The following RAI1 variants were observed in gnomAD, a reference collection of about 807,000 sequenced individuals.
RAI1 encodes the protein retinoic acid-induced protein 1.
In RAI1, 9 loss-of-function variants were observed where a neutral mutation model predicts 123.8. That is an observed-to-expected ratio of 0.07 (90% CI 0.04 to 0.13). The LOEUF (loss-of-function observed/expected upper bound fraction) is 0.13, where lower values mean the gene tolerates loss of function less well. Among genes scored for constraint, RAI1 ranks in the 10% least tolerant of loss-of-function variants. The pLI, the probability that RAI1 is intolerant of heterozygous loss-of-function variation, is 1.00. For synonymous variants in RAI1, 1,231 were observed against 1,127.3 expected (o/e 1.09, Z -1.84); for missense variants, 2,256 against 2,545.8 (o/e 0.89, Z 2.45).
Position 17,793,779 on chromosome 17 carries a change from CCAGCAGCAGCAGCAGCAG to C in RAI1, c.855_872del (p.Gln286_Gln291del), listed in dbSNP as rs371983878. 119 of 1,357,732 alleles carry C rather than the reference CCAGCAGCAGCAGCAGCAG, an allele frequency of 8.8e-5. 1 individual carries two copies. The highest frequency in any genetic ancestry group is 4.0e-4 in the Middle Eastern group (2 of 5,032). 84.1% of individuals were successfully genotyped at this position (1,357,732 alleles called of 1,614,324 possible). A position where few individuals can be genotyped will look rare whatever the true frequency, so the allele number is the denominator to read the frequency against. ...ACCAGTCGGGCCGCCTCAGCTATGA[CCAGCAGCAGCAGCAGCAG>C]CAGCAGCAGCAGCAGCAGCAGCAAG... is the stretch of plus-strand genomic sequence containing the variant. On this transcript the variant is annotated inframe_deletion, in exon 3 of 6. Coordinates refer to ENST00000353383, the MANE Select transcript of RAI1 (RefSeq NM_030665.4).
chr17:17,783,256 G>A (rs1262250042), intron 2 of RAI1, among the ~76,000 whole-genome samples: 1 of 152,106 alleles, frequency 6.6e-6, no homozygotes, highest in Non-Finnish European at 1.5e-5. Flanking sequence ...CGGGGACGGG[G>A]GGGCGCCCTT....
intron 4 of RAI1, among the ~76,000 whole-genome samples, chr17:17,804,992 A>C (rs1166366803): frequency 1.3e-5 from 2 of 152,080 alleles, no homozygotes; most frequent in African/African-American, 4.8e-5. Context: ...CCTCTCAAGT[A>C]GCTGGGACTA....
chr17:17,694,350 AG>A (rs1196292470), intron 1 of RAI1, among the ~76,000 whole-genome samples: 1 of 152,080 alleles, frequency 6.6e-6, no homozygotes, highest in African/African-American at 2.4e-5. Flanking sequence ...GAACATAGCC[AG>A]GAAGACGGGC....
rs2032441386 is a variant in RAI1, at chr17:17,800,934, A to G, written c.5565+2421A>G. ...TCACGCATGCTCTGAGAACTCCACA[A>G]TGTCAAACCCCGTTAGCAGGATTGT... is the stretch of plus-strand genomic sequence containing the variant. On this transcript the variant is annotated intron_variant, in intron 3 of 5. Coordinates refer to ENST00000353383, the MANE Select transcript of RAI1 (RefSeq NM_030665.4). This position sits in a 1 kb window ranked among gnomAD's most constrained non-coding sequence, Gnocchi z 4.7. 6.6e-6 allele frequency among the ~76,000 whole-genome samples: 1 copy of G among 152,094 alleles called. No individual in the cohort carries two copies. Among genetic ancestry groups the G allele is most frequent in the South Asian group, 2.1e-4 (1 of 4,826 alleles).
intron 2 of RAI1, among the ~76,000 whole-genome samples, chr17:17,784,123 C>T (rs2031732508): frequency 6.6e-6 from 1 of 152,178 alleles, no homozygotes; most frequent in African/African-American, 2.4e-5. Flanking sequence ...CACAATTAGG[C>T]AGCAAGAGGA....
chr17:17,713,251 G>A (rs115421180), intron 1 of RAI1, among the ~76,000 whole-genome samples: 1 of 152,080 alleles, frequency 6.6e-6, no homozygotes, highest in East Asian at 1.9e-4. Flanking sequence ...TGGTGCCTGT[G>A]GTCCCCACTG....
chr17:17,774,312 C>T (rs1016586826), intron 2 of RAI1, among the ~76,000 whole-genome samples: 23 of 152,240 alleles, frequency 1.5e-4, no homozygotes, highest in African/African-American at 5.1e-4. Flanking sequence ...GGTCACACAG[C>T]GAGTCAGCAG....
At chr17:17,732,645 C>T (rs1567857555) in intron 2 of RAI1, among the ~76,000 whole-genome samples, 1 of 152,168 alleles carries the variant, frequency 6.6e-6, no homozygotes, top group Non-Finnish European at 1.5e-5. Context: ...CATCACCTGC[C>T]GGAGCTGGGC....
chr17:17,784,708 G>A (rs1240176962), intron 2 of RAI1, among the ~76,000 whole-genome samples: 1 of 152,122 alleles, frequency 6.6e-6, no homozygotes, highest in Non-Finnish European at 1.5e-5. Context: ...CACACAGGAG[G>A]GTGGCTCGGC....
At chr17:17,716,178 C>T (rs893787535) in intron 1 of RAI1, among the ~76,000 whole-genome samples, 2 of 152,164 alleles carry the variant, frequency 1.3e-5, no homozygotes, top group Non-Finnish European at 2.9e-5. Context: ...GCCATCAAGT[C>T]CAGGGAGGGC....
At chr17:17,704,247 G>C (rs905223894) in intron 1 of RAI1, among the ~76,000 whole-genome samples, 2 of 152,254 alleles carry the variant, frequency 1.3e-5, no homozygotes, top group Admixed American at 1.3e-4. Flanking sequence ...ACAAAGACTT[G>C]AAGTCTCGTT....
chr17:17,726,121 G>A (rs1916081904), intron 2 of RAI1, among the ~76,000 whole-genome samples: 1 of 152,192 alleles, frequency 6.6e-6, no homozygotes, highest in South Asian at 2.1e-4. Context: ...TGAGAGCCCA[G>A]AGAGGGTCAG....
chr17:17,722,884 G>A (rs1052738692), intron 1 of RAI1, among the ~76,000 whole-genome samples: 5 of 152,140 alleles, frequency 3.3e-5, no homozygotes, highest in African/African-American at 4.8e-5. Context: ...GCTGCGCCGC[G>A]ACCCCGGCGC....
intron 1 of RAI1, among the ~76,000 whole-genome samples, chr17:17,705,006 G>A (rs1193232900): frequency 1.3e-5 from 2 of 152,150 alleles, no homozygotes; most frequent in Admixed American, 6.5e-5. Context: ...AAGTCAAGGT[G>A]GCAACTGCTC....
rs1555566532 is a variant in RAI1 at position 17,800,180 on chromosome 17, G to GTCTCTCTCTGTCTC, written c.5565+1676_5565+1677insGTCTCTCTCTCTCT. 0.021 allele frequency among the ~76,000 whole-genome samples: 2,491 copies of GTCTCTCTCTGTCTC among 116,002 alleles called. 127 individuals are homozygous for GTCTCTCTCTGTCTC. Among genetic ancestry groups the GTCTCTCTCTGTCTC allele is most frequent in the Non-Finnish European group, 0.036 (1,818 of 50,952 alleles). The allele number at this position is 116,002 out of a possible 152,430, so 76.1% of individuals were successfully genotyped here. ...TCTCTCCTGCTTTCTGTCTCTCTCT[G>GTCTCTCTCTGTCTC]TCTCTCTCTCTCTCTCTCTCTCTCT... is the stretch of plus-strand genomic sequence containing the variant. On this transcript the variant is annotated intron_variant, in intron 3 of 5. Coordinates refer to ENST00000353383, the MANE Select transcript of RAI1 (RefSeq NM_030665.4). This position sits in a 1 kb window ranked among gnomAD's most constrained non-coding sequence, Gnocchi z 4.7.
rs1914609881 is a variant in RAI1 at position 17,685,891 on chromosome 17, T to A, written c.-149+4098T>A. Among the ~76,000 whole-genome samples the A allele has an allele frequency of 6.6e-6, 1 of 152,222 alleles. No homozygotes were observed. The highest frequency in any genetic ancestry group is 2.1e-4 in the South Asian group (1 of 4,834). The stretch of plus-strand genomic sequence containing the variant: ...GCATCCTTGCCTCTGTGCATCGGGC[T>A]GGGCTGTTCCTTCCACCTGGGATGC... On this transcript the variant is annotated intron_variant, in intron 1 of 5. Coordinates refer to ENST00000353383, the MANE Select transcript of RAI1 (RefSeq NM_030665.4). This position sits in a 1 kb window ranked among gnomAD's most constrained non-coding sequence, Gnocchi z 4.0.
At chr17:17,750,075 G>T (rs1261152931) in intron 2 of RAI1, among the ~76,000 whole-genome samples, 2 of 152,224 alleles carry the variant, frequency 1.3e-5, no homozygotes, top group African/African-American at 4.8e-5. Context: ...TTAGTGTGGA[G>T]GGTCCACCCT....
Position 17,719,612 on chromosome 17 carries a change from A to G in RAI1, c.-148-4416A>G, listed in dbSNP as rs562957893. 2.3e-4 allele frequency among the ~76,000 whole-genome samples: 35 copies of G among 152,304 alleles called. No homozygotes were observed. The East Asian group carries it at 6.6e-3, about 29-fold the overall frequency. On this transcript the variant is annotated intron_variant, in intron 1 of 5. Transcript: ENST00000353383. Reference sequence around the variant, plus strand: ...CGCTTCACCTAAGGTAACATACTACATCATTTACTTATTCATTCTGTTTCT... The same window carrying G: ...CGCTTCACCTAAGGTAACATACTACGTCATTTACTTATTCATTCTGTTTCT...
At chr17:17,806,805 G>A (rs895517223) in intron 4 of RAI1, among the ~76,000 whole-genome samples, 5 of 152,300 alleles carry the variant, frequency 3.3e-5, no homozygotes, top group Admixed American at 6.5e-5. Context: ...ACTTTACCAC[G>A]TTCTGTTAGC....
Sources: allele counts gnomAD v4.1 joint callset (sites outside exome capture counted in the v4.1 genomes callset), GRCh38; gene constraint gnomAD v4.1.1; non-coding constraint Gnocchi (gnomAD v3.1); transcripts MANE v1.5; gene names NCBI Gene and HGNC (gene_info 2026-07-23, HGNC 2026-07-21).